The following ESRRG variants were observed in gnomAD, a reference collection of about 807,000 sequenced individuals.
The protein encoded by ESRRG is estrogen related receptor gamma, also known as estrogen-related receptor gamma.
A neutral mutation model predicts 44.0 loss-of-function variants in ESRRG; 13 were observed. The ratio of observed to expected loss-of-function variants is 0.30; its 90% CI spans 0.19 to 0.47. The LOEUF (loss-of-function observed/expected upper bound fraction) is 0.47. Ranked by LOEUF, ESRRG falls within the 20% of genes least tolerant of loss-of-function variation. ESRRG has a pLI of 1.00. For synonymous variants in ESRRG, 215 were observed against 214.6 expected (o/e 1.00, Z -0.02); for missense variants, 395 against 580.6 (o/e 0.68, Z 3.29).
Position 216,815,577 on chromosome 1 carries a change from C to T in ESRRG, c.-14+124005G>A, listed in dbSNP as rs148765112. 8.3e-3 allele frequency among the ~76,000 whole-genome samples: 1,264 copies of T among 152,296 alleles called. 25 individuals carry two copies. Among genetic ancestry groups the T allele is most frequent in the African/African-American group, 0.028 (1,184 of 41,566 alleles). On this transcript the variant is annotated intron_variant, in intron 2 of 7. Transcript: ENST00000359162. ...CACCTGCCCTGGGAAAAAGACCACC[C>T]GGGCTCAGGCCTCCCTGGCTTGGCT... is the stretch of plus-strand genomic sequence containing the variant.
intron 1 of ESRRG, among the ~76,000 whole-genome samples, chr1:216,956,712 C>T (rs575439891): frequency 1.3e-5 from 2 of 152,206 alleles, no homozygotes; most frequent in South Asian, 4.2e-4. Context: ...AGGAGCTATC[C>T]TATCACATGC....
At chr1:216,777,406 CCA>C (rs2093655988) in intron 2 of ESRRG, among the ~76,000 whole-genome samples, 1 of 152,086 alleles carries the variant, frequency 6.6e-6, no homozygotes. Flanking sequence ...TGAAGAGCTG[CCA>C]CAGATATTTA....
At chr1:217,069,410 G>T (rs1170590041) in intron 1 of ESRRG, among the ~76,000 whole-genome samples, 1 of 143,352 alleles carries the variant, frequency 7.0e-6, no homozygotes, top group African/African-American at 2.6e-5. Context: ...TATATAGATA[G>T]ATAGACAGAT....
At chr1:216,950,711 T>C (rs2066812778) in intron 1 of ESRRG, among the ~76,000 whole-genome samples, 1 of 152,204 alleles carries the variant, frequency 6.6e-6, no homozygotes, top group South Asian at 2.1e-4. Context: ...TAAGCAATGA[T>C]TATCTATTTG....
intron 2 of ESRRG, among the ~76,000 whole-genome samples, chr1:216,831,367 C>T (rs1445620719): frequency 1.3e-5 from 2 of 152,064 alleles, no homozygotes; most frequent in Non-Finnish European, 2.9e-5. Context: ...AATAGCTTCA[C>T]ACAAAGAACT....
At chr1:216,978,322 C>T (rs184536652) in intron 1 of ESRRG, among the ~76,000 whole-genome samples, 2 of 152,278 alleles carry the variant, frequency 1.3e-5, no homozygotes. Context: ...AGTTGAGTAG[C>T]TGTGAAACAG....
chr1:216,584,660 T>G (rs2063430376), intron 3 of ESRRG, among the ~76,000 whole-genome samples: 1 of 152,210 alleles, frequency 6.6e-6, no homozygotes, highest in Non-Finnish European at 1.5e-5. Flanking sequence ...TTTAAAAAAT[T>G]TCCCAGCAAT....
intron 5 of ESRRG, among the ~76,000 whole-genome samples, chr1:216,529,004 T>C (rs2048490271): frequency 6.6e-6 from 1 of 152,170 alleles, no homozygotes; most frequent in Admixed American, 6.6e-5. Context: ...TTGTCTGTTA[T>C]GTCCTTTCAC....
In ESRRG at chr1:216,723,256, TG is replaced by T. The variant is rs1332605631; in HGVS notation, c.43del (p.His15ThrfsTer35). 1 of 1,613,722 alleles carries T rather than the reference TG, an allele frequency of 6.2e-7. No individual in the cohort carries two copies. The highest frequency in any genetic ancestry group is 1.7e-5 in the Admixed American group (1 of 59,976). ...AAAAGGTACCTACTCTTCCTCGTAG[TG>T]CAGGGAAAAAGATTCAGGAAGGCAA... ...ELCLPESFSL[H>X]YEEELLCRMS... On this transcript the variant is annotated frameshift_variant, in exon 1 of 7. Transcript: ENST00000408911. LOFTEE classifies it high-confidence loss of function.
intron 1 of ESRRG, among the ~76,000 whole-genome samples, chr1:216,961,807 A>G (rs1240953804): frequency 6.6e-6 from 1 of 152,178 alleles, no homozygotes; most frequent in African/African-American, 2.4e-5. Flanking sequence ...TTTTAATTCA[A>G]TTGAACGAGA....
intron 1 of ESRRG, among the ~76,000 whole-genome samples, chr1:216,999,212 G>A (rs1409581159): frequency 6.6e-6 from 1 of 152,242 alleles, no homozygotes; most frequent in South Asian, 2.1e-4. Flanking sequence ...GAAGACAAGA[G>A]CTGAAACTGG....
At chr1:216,547,599 T>C (rs1160507768) in intron 5 of ESRRG, among the ~76,000 whole-genome samples, 4 of 152,132 alleles carry the variant, frequency 2.6e-5, no homozygotes, top group African/African-American at 9.6e-5. Context: ...ATACATTTCA[T>C]ACATTAAAGA....
At chr1:217,084,003 G>A (rs1367989420) in intron 1 of ESRRG, among the ~76,000 whole-genome samples, 1 of 152,032 alleles carries the variant, frequency 6.6e-6, no homozygotes, top group African/African-American at 2.4e-5. Context: ...CAAAAATCAC[G>A]TGGGATTGCT....
intron 6 of ESRRG, among the ~76,000 whole-genome samples, chr1:216,516,810 T>G (rs2044475782): frequency 6.6e-6 from 1 of 152,102 alleles, no homozygotes; most frequent in Non-Finnish European, 1.5e-5. Context: ...CATTCAATCT[T>G]GGATCTATAA....
At position 216,685,643 on chromosome 1, in the gene ESRRG, C is replaced by T. The variant is rs564610590; in HGVS notation, c.57-8152G>A. On this transcript the variant is annotated intron_variant, in intron 1 of 6. Coordinates refer to ENST00000408911, the MANE Select transcript of ESRRG (RefSeq NM_001438.4). ...TGAATATAGATGCTTTACTCACAGA[C>T]GCTCCAGTGATGGAGTTCACAAATC... Among the ~76,000 whole-genome samples the T allele has an allele frequency of 9.8e-5, 15 of 152,302 alleles. No homozygotes were observed. In the South Asian group the frequency reaches 1.0e-3, roughly 11 times the overall value.
chr1:216,994,391 G>A lies in ESRRG; in HGVS notation c.-105-54718C>T, dbSNP rs564841800. Among the ~76,000 whole-genome samples the A allele has an allele frequency of 3.0e-4, 46 of 152,226 alleles. No individual in the cohort carries two copies. In the South Asian group the frequency reaches 8.9e-3, roughly 30 times the overall value. On this transcript the variant is annotated intron_variant, in intron 1 of 7. Transcript: ENST00000359162. The stretch of plus-strand genomic sequence containing the variant: ...AGACCCTCCCAGTGATGGGGCACCC[G>A]GAAGGGGTGTTGTCTGCACAAACAC...
intron 3 of ESRRG, among the ~76,000 whole-genome samples, chr1:216,590,166 T>C (rs1483525385): frequency 6.6e-6 from 1 of 151,942 alleles, no homozygotes; most frequent in Non-Finnish European, 1.5e-5. Context: ...CTAACAGTAA[T>C]GGTTGTTGAT....
intron 2 of ESRRG, among the ~76,000 whole-genome samples, chr1:216,728,540 G>T (rs572307209): frequency 6.6e-6 from 1 of 152,074 alleles, no homozygotes; most frequent in South Asian, 2.1e-4. Flanking sequence ...GAAGCAGGGG[G>T]AAGTGGAACA....
intron 1 of ESRRG, among the ~76,000 whole-genome samples, chr1:217,003,288 G>C (rs1448600591): frequency 1.3e-5 from 2 of 152,030 alleles, no homozygotes; most frequent in African/African-American, 2.4e-5. Flanking sequence ...TTAATAGCTT[G>C]AGCAAATTAC....
Sources: gnomAD v4.1 joint callset for allele counts (sites outside exome capture counted in the v4.1 genomes callset) on GRCh38, gnomAD v4.1.1 for gene constraint, MANE v1.5 for transcripts, NCBI Gene and HGNC (gene_info 2026-07-23, HGNC 2026-07-21) for gene names.